Variants in HELZ observed in about 807,000 individuals in gnomAD.
HELZ encodes ATP-dependent RNA helicase with zinc finger domain.
HELZ carries 23 observed loss-of-function variants against 218.2 expected under a neutral mutation model. The ratio of observed to expected loss-of-function variants is 0.11; its 90% CI spans 0.08 to 0.15. HELZ has a LOEUF of 0.15. HELZ is among the 10% of genes least tolerant of loss of function. The pLI is 1.00. For missense variants in HELZ, 1,813 were observed against 2,353.7 expected (o/e 0.77, Z 4.75); for synonymous variants, 814 against 829.4 (o/e 0.98, Z 0.32).
chr17:67,087,003 C>A lies in HELZ; in HGVS notation c.5320G>T (p.Val1774Leu), dbSNP rs757874821. 1 of 1,614,038 alleles carries A rather than the reference C, an allele frequency of 6.2e-7. No individual in the cohort carries two copies. The highest frequency in any genetic ancestry group is 1.1e-5 in the South Asian group (1 of 91,072). The change falls in exon 32 of 33, where the codon GTA becomes TTA. Residue 1774 changes from valine (V) to leucine (L), a missense_variant. By Grantham distance (32) the Val-to-Leu change is conservative (BLOSUM62 1). Coordinates refer to ENST00000358691, the MANE Select transcript of HELZ (RefSeq NM_014877.4). ...SSSVQPCSEE[V>L]STPQDSLAQC... is the part of the protein sequence containing the mutation. ...GCCAGACTGTCTTGAGGAGTGCTTA[C>A]TTCTTCAGAACAAGGTTGAACTGAG...
chr17:67,190,093 TA>T (rs1423276402), intron 10 of HELZ, 63 bp downstream of exon 10: 1 of 1,363,096 alleles, frequency 7.3e-7, no homozygotes, highest in African/African-American at 1.4e-5. Flanking sequence ...GAGCACACAA[TA>T]AAGTCAAGAC....
rs1306996258 is a variant in HELZ, at chr17:67,109,121, G to A, written c.4484C>T (p.Ala1495Val). ...ENPSGLPIGE[A>V]LDRIHGSVAL... ...CTGGCAGTAATAGAACTTACCTAAA[G>A]CCTCCCCTATAGGTAATCCCGAGGG... Residue 1495 changes from alanine (A) to valine (V), a missense_variant, in exon 29 of 33, where the codon GCT becomes GTT. Ala to Val is a moderately conservative substitution (Grantham distance 64, BLOSUM62 0). This residue lies in a region of HELZ where 938 missense variants were observed against 1,027.5 expected (regional missense o/e 0.91). Coordinates refer to ENST00000358691, the MANE Select transcript of HELZ (RefSeq NM_014877.4). 3.7e-6 allele frequency: 6 copies of A among 1,601,780 alleles called. No individual in the cohort carries two copies. In the South Asian group the frequency reaches 5.6e-5, roughly 15 times the overall value.
chr17:67,237,740 G>C (rs1160446812), intron 3 of HELZ, among the ~76,000 whole-genome samples: 3 of 152,110 alleles, frequency 2.0e-5, no homozygotes, highest in Non-Finnish European at 2.9e-5. Flanking sequence ...TGTAATCCCA[G>C]CTCTTTGGGA....
At position 67,152,139 on chromosome 17, in the gene HELZ, C is replaced by T. The variant is rs571494510; in HGVS notation, c.2178-915G>A. On this transcript the variant is annotated intron_variant, in intron 17 of 32. Transcript: ENST00000358691. ...GTGTGCTGGTAAATATTTTAACACCCGGCTCCAGGGCTAGGAAGGGGAGAG... is the reference window on the plus strand; with the variant it reads ...GTGTGCTGGTAAATATTTTAACACCTGGCTCCAGGGCTAGGAAGGGGAGAG... Among the ~76,000 whole-genome samples, 11 of 152,268 alleles carry T rather than the reference C, an allele frequency of 7.2e-5. No individual in the cohort carries two copies. The East Asian group carries it at 1.5e-3, about 21-fold the overall frequency.
At chr17:67,184,780 C>T (rs1029411293) in intron 12 of HELZ, among the ~76,000 whole-genome samples, 22 of 151,956 alleles carry the variant, frequency 1.4e-4, no homozygotes, top group African/African-American at 4.6e-4. Context: ...CACACCACTG[C>T]ACTCCAGCCT....
chr17:67,142,727 A>G (rs1040067148), intron 21 of HELZ, among the ~76,000 whole-genome samples: 2 of 147,020 alleles, frequency 1.4e-5, no homozygotes, highest in South Asian at 2.3e-4. Flanking sequence ...AAAAAGCTGT[A>G]CTAAGATAAA....
At chr17:67,243,920 G>A in intron 1 of HELZ, 81 bp from the exon 2 acceptor site, 1 of 837,524 alleles carries the variant, frequency 1.2e-6, no homozygotes, top group Non-Finnish European at 1.4e-6. Context: ...AGCCTGAAGT[G>A]AAAGGGCATC....
At position 67,077,933 on chromosome 17, in the gene HELZ, C is replaced by CTTT. The variant is rs573432295; in HGVS notation, c.*316_*318dup. ...TTAAATACATTTTAGACAAACTTTT[C>CTTT]TTTTTTTTTTTTTTTTTATAGTTGC... On this transcript the variant is annotated 3_prime_UTR_variant, in exon 33 of 33. Coordinates refer to ENST00000358691, the MANE Select transcript of HELZ (RefSeq NM_014877.4). The CTTT allele has an allele frequency of 5.4e-5, 7 of 129,532 alleles. No individual in the cohort carries two copies. The highest frequency in any genetic ancestry group is 8.7e-5 in the African/African-American group (3 of 34,460). 8.0% of individuals were successfully genotyped at this position (129,532 alleles called of 1,614,324 possible). A position where few individuals can be genotyped will look rare whatever the true frequency, so the allele number is the denominator to read the frequency against.
chr17:67,167,415 T>C (rs2039176754), intron 14 of HELZ, 48 bp downstream of exon 14: 6 of 1,327,774 alleles, frequency 4.5e-6, no homozygotes, highest in East Asian at 2.3e-5. Context: ...TACGAGCTGA[T>C]AATGAGGCTA....
chr17:67,225,264 GTTA>G (rs2143375426), intron 3 of HELZ: 2 of 209,586 alleles, frequency 9.5e-6, no homozygotes, highest in East Asian at 1.4e-4. Context: ...TATTAGAATT[GTTA>G]TTATCATTCC....
rs1388755908 is a variant in HELZ, at chr17:67,071,802, G to A, written c.*6450C>T. ...ATGACTTATGAATAATTCATGCTGTGTAGGTGGTAGATCCCCCTAGGCTGT... is the reference window on the plus strand; with the variant it reads ...ATGACTTATGAATAATTCATGCTGTATAGGTGGTAGATCCCCCTAGGCTGT... On this transcript the variant is annotated 3_prime_UTR_variant, in exon 33 of 33. Coordinates refer to ENST00000358691, the MANE Select transcript of HELZ (RefSeq NM_014877.4). 2.0e-5 allele frequency: 3 copies of A among 152,556 alleles called. No individual in the cohort carries two copies. Among genetic ancestry groups the A allele is most frequent in the African/African-American group, 7.2e-5 (3 of 41,432 alleles). 9.5% of individuals were successfully genotyped at this position (152,556 alleles called of 1,614,324 possible). A position where few individuals can be genotyped will look rare whatever the true frequency, so the allele number is the denominator to read the frequency against.
chr17:67,237,497 G>A (rs186506734), intron 3 of HELZ, among the ~76,000 whole-genome samples: 137 of 152,086 alleles, frequency 9.0e-4, no homozygotes, highest in Non-Finnish European at 1.5e-3. Flanking sequence ...AGGCAGTGTG[G>A]ACTCAGACAA....
chr17:67,143,930 T>C (rs1162271920), intron 21 of HELZ, among the ~76,000 whole-genome samples: 1 of 152,232 alleles, frequency 6.6e-6, no homozygotes, highest in Non-Finnish European at 1.5e-5. Flanking sequence ...CAAACTTTTT[T>C]ATTTAGGTTC....
chr17:67,140,750 T>C (rs998981313), intron 21 of HELZ, among the ~76,000 whole-genome samples: 4 of 152,058 alleles, frequency 2.6e-5, no homozygotes, highest in Non-Finnish European at 5.9e-5. Flanking sequence ...TTGAGTAAGA[T>C]AAACACAAGG....
chr17:67,190,943 G>C (rs932748436), intron 9 of HELZ, among the ~76,000 whole-genome samples: 1 of 151,556 alleles, frequency 6.6e-6, no homozygotes, highest in African/African-American at 2.4e-5. Context: ...CTCCTGACTT[G>C]GTGATCCACC....
intron 24 of HELZ, among the ~76,000 whole-genome samples, chr17:67,127,908 T>C (rs369851026): frequency 4.1e-4 from 63 of 151,960 alleles, no homozygotes; most frequent in African/African-American, 1.4e-3. Context: ...TTAATTCTTA[T>C]TGGTAACTTT....
intron 5 of HELZ, among the ~76,000 whole-genome samples, chr17:67,211,522 T>C (rs1187735561): frequency 1.3e-5 from 2 of 152,144 alleles, no homozygotes; most frequent in Admixed American, 1.3e-4. Context: ...GTTTATTATA[T>C]CATTTACTCT....
At chr17:67,139,327 C>G (rs1274357045) in intron 21 of HELZ, among the ~76,000 whole-genome samples, 1 of 152,084 alleles carries the variant, frequency 6.6e-6, no homozygotes, top group Non-Finnish European at 1.5e-5. Flanking sequence ...GGCATTCTCA[C>G]TATCAGGAAA....
Position 67,124,000 on chromosome 17 carries a change from A to C in HELZ, c.3402T>G (p.His1134Gln). ...TCTGGAAGTGATCATTCTGGGTATG[A>C]TGAAGACTTTTCCCCTTTAAAGAAA... Reference protein sequence around the residue: ...QQSPPKGKSLHHTQNDHFQND... With the variant: ...QQSPPKGKSLQHTQNDHFQND... Residue 1134 changes from histidine (H) to glutamine (Q), a missense_variant, in exon 25 of 33, where the codon CAT becomes CAG. By Grantham distance (24) the His-to-Gln change is conservative (BLOSUM62 0). Transcript: ENST00000358691. 6.2e-7 allele frequency: 1 copy of C among 1,604,204 alleles called. No individual in the cohort carries two copies. Among genetic ancestry groups the C allele is most frequent in the Non-Finnish European group, 8.5e-7 (1 of 1,172,068 alleles).
Sources: allele counts gnomAD v4.1 joint callset (sites outside exome capture counted in the v4.1 genomes callset), GRCh38; gene constraint gnomAD v4.1.1; regional missense constraint gnomAD v4.1.1; transcripts MANE v1.5; gene names NCBI Gene and HGNC (gene_info 2026-07-23, HGNC 2026-07-21).